Variants in IMPG2 observed in about 807,000 individuals in gnomAD.
IMPG2 encodes interphotoreceptor matrix proteoglycan 2.
Under a neutral mutation model 129.2 loss-of-function variants are expected in IMPG2, and 91 were observed. That is an observed-to-expected ratio of 0.70 (90% CI 0.59 to 0.84). The LOEUF (loss-of-function observed/expected upper bound fraction) is 0.84, where lower values mean the gene tolerates loss of function less well. IMPG2 is among the 40% of genes least tolerant of loss of function. The probability of loss-of-function intolerance (pLI) is 0.00; values close to 1 mark genes in which losing one functional copy is unlikely to be tolerated. For missense variants in IMPG2, 1,430 were observed against 1,461.7 expected (o/e 0.98, Z 0.35); for synonymous variants, 510 against 517.7 (o/e 0.99, Z 0.20).
chr3:101,297,203 C>T (rs1471116765), intron 3 of IMPG2, among the ~76,000 whole-genome samples: 4 of 152,184 alleles, frequency 2.6e-5, no homozygotes, highest in East Asian at 1.9e-4. Context: ...CCACCACGCC[C>T]GGCCGGCAGT....
chr3:101,313,192 A>T (rs1248021612), intron 2 of IMPG2, among the ~76,000 whole-genome samples: 2 of 152,142 alleles, frequency 1.3e-5, no homozygotes, highest in Non-Finnish European at 2.9e-5. Flanking sequence ...GAGCTATCTG[A>T]CAAGAAGGTT....
At chr3:101,257,016 A>G (rs1429806302) in intron 10 of IMPG2, among the ~76,000 whole-genome samples, 1 of 152,078 alleles carries the variant, frequency 6.6e-6, no homozygotes, top group Non-Finnish European at 1.5e-5. Context: ...TATGGATCAT[A>G]ACAGGATCTC....
chr3:101,234,029 A>G (rs1011811163), intron 14 of IMPG2, among the ~76,000 whole-genome samples: 2 of 151,714 alleles, frequency 1.3e-5, no homozygotes, highest in Non-Finnish European at 2.9e-5. Flanking sequence ...ACTGAAGTTG[A>G]TCTCCTTTGG....
chr3:101,277,659 G>C (rs1284961550), intron 4 of IMPG2, among the ~76,000 whole-genome samples: 2 of 152,128 alleles, frequency 1.3e-5, no homozygotes, highest in Non-Finnish European at 2.9e-5. Flanking sequence ...AGGTCTCCTG[G>C]CTGTTGTTTT....
chr3:101,302,689 A>T (rs1274189848), intron 3 of IMPG2, among the ~76,000 whole-genome samples: 1 of 152,234 alleles, frequency 6.6e-6, no homozygotes, highest in African/African-American at 2.4e-5. Flanking sequence ...ATGACATGGT[A>T]CATGGTAGAT....
chr3:101,246,911 A>G (rs553987007), intron 11 of IMPG2, among the ~76,000 whole-genome samples: 3 of 152,096 alleles, frequency 2.0e-5, no homozygotes, highest in Non-Finnish European at 4.4e-5. Flanking sequence ...CAGACTGGGC[A>G]ATATAGCAAG....
At chr3:101,304,346 C>T (rs947249294) in intron 2 of IMPG2, 34 bp from the exon 3 acceptor site, 7 of 1,588,262 alleles carry the variant, frequency 4.4e-6, no homozygotes, top group Non-Finnish European at 6.1e-6. Context: ...TTACAAAAAG[C>T]TAACATGCTC....
At chr3:101,257,811 A>G (rs773230257) in intron 9 of IMPG2, 38 bp from the exon 10 acceptor site, 5 of 1,610,802 alleles carry the variant, frequency 3.1e-6, no homozygotes, top group Non-Finnish European at 3.4e-6. Context: ...GGTTCAGCTA[A>G]GGAAGCACAA....
At chr3:101,241,393 T>A (rs1706404767) in intron 14 of IMPG2, among the ~76,000 whole-genome samples, 2 of 152,216 alleles carry the variant, frequency 1.3e-5, no homozygotes, top group Admixed American at 6.5e-5. Flanking sequence ...AAGAAGGTTT[T>A]GTATCTGAGT....
chr3:101,276,678 G>T lies in IMPG2; in HGVS notation c.569C>A (p.Thr190Asn). ...CAAAAGTATACCTCCCAATGTTGAAGTATCACCAACAGGAACTGGAGAAGA... is the reference window on the plus strand; with the variant it reads ...CAAAAGTATACCTCCCAATGTTGAATTATCACCAACAGGAACTGGAGAAGA... ...ELSSPVPVGD[T>N]STLGDTTLSV... Residue 190 changes from threonine (T) to asparagine (N), a missense_variant, in exon 5 of 19, where the codon ACT (threonine) becomes AAT (asparagine). Physicochemically the swap from Thr to Asn is moderately conservative, Grantham distance 65 (BLOSUM62 0). Coordinates refer to ENST00000193391, the MANE Select transcript of IMPG2 (RefSeq NM_016247.4). The T allele has an allele frequency of 6.2e-7, 1 of 1,608,616 alleles. No homozygotes were observed.
At chr3:101,254,535 G>C (rs1706578520) in intron 10 of IMPG2, among the ~76,000 whole-genome samples, 1 of 152,090 alleles carries the variant, frequency 6.6e-6, no homozygotes. Flanking sequence ...GGATTGCCAG[G>C]AGAGTGATCT....
In IMPG2 at chr3:101,224,753, C is replaced by T. The variant is rs1706203673; in HGVS notation, c.*2216G>A. The T allele has an allele frequency of 6.6e-6, 1 of 152,236 alleles. No homozygotes were observed. Among genetic ancestry groups the T allele is most frequent in the Admixed American group, 6.5e-5 (1 of 15,274 alleles). 9.4% of individuals were successfully genotyped at this position (152,236 alleles called of 1,614,324 possible). A position where few individuals can be genotyped will look rare whatever the true frequency, so the allele number is the denominator to read the frequency against. ...CTCAACTGAGGCCTCCTGTTCTTTC[C>T]CTGATAGTTGAGGGGCTCCTTTACT... On this transcript the variant is annotated 3_prime_UTR_variant, in exon 19 of 19. Coordinates refer to ENST00000193391, the MANE Select transcript of IMPG2 (RefSeq NM_016247.4).
intron 2 of IMPG2, among the ~76,000 whole-genome samples, chr3:101,311,336 TA>T (rs1396320432): frequency 1.3e-5 from 2 of 152,100 alleles, no homozygotes; most frequent in Non-Finnish European, 2.9e-5. Flanking sequence ...GAATCCACTT[TA>T]AAACTATTTG....
chr3:101,310,992 T>C (rs2107142482), intron 2 of IMPG2, among the ~76,000 whole-genome samples: 1 of 152,294 alleles, frequency 6.6e-6, no homozygotes, highest in South Asian at 2.1e-4. Flanking sequence ...TTATACCTTG[T>C]AGTCTATTCA....
intron 3 of IMPG2, among the ~76,000 whole-genome samples, chr3:101,295,385 T>C (rs565863077): frequency 1.3e-5 from 2 of 152,320 alleles, no homozygotes; most frequent in Non-Finnish European, 2.9e-5. Flanking sequence ...ATCAGATGGT[T>C]GTAGATGTGT....
At position 101,223,759 on chromosome 3, in the gene IMPG2, A is replaced by T. The variant is rs1186595703; in HGVS notation, c.*3210T>A. ...GAATAAAAAAGAGAAAGTGGGGAGG[A>T]GCCAACCCATGGTGACAGATAATGC... On this transcript the variant is annotated 3_prime_UTR_variant, in exon 19 of 19. Transcript: ENST00000193391. 1 of 152,260 alleles carries T rather than the reference A, an allele frequency of 6.6e-6. No individual in the cohort carries two copies. Among genetic ancestry groups the T allele is most frequent in the East Asian group, 1.9e-4 (1 of 5,202 alleles). 9.4% of individuals were successfully genotyped at this position (152,260 alleles called of 1,614,324 possible). A position where few individuals can be genotyped will look rare whatever the true frequency, so the allele number is the denominator to read the frequency against.
At chr3:101,247,084 A>C (rs1706487462) in intron 11 of IMPG2, among the ~76,000 whole-genome samples, 1 of 150,204 alleles carries the variant, frequency 6.7e-6, no homozygotes, top group African/African-American at 2.5e-5. Context: ...CTATAGAGCA[A>C]GACATTGTCT....
In IMPG2 at chr3:101,226,861, A is replaced by T. The variant is rs928765343; in HGVS notation, c.*108T>A. 1 of 1,206,582 alleles carries T rather than the reference A, an allele frequency of 8.3e-7. No individual in the cohort carries two copies. The highest frequency in any genetic ancestry group is 1.2e-6 in the Non-Finnish European group (1 of 829,316). 74.7% of individuals were successfully genotyped at this position (1,206,582 alleles called of 1,614,324 possible). ...CCCTATATTTAATTTTTTCATAGAA[A>T]ACTCTTCTTCCAACAGTGTTTAAAA... On this transcript the variant is annotated 3_prime_UTR_variant, in exon 19 of 19. Coordinates refer to ENST00000193391, the MANE Select transcript of IMPG2 (RefSeq NM_016247.4).
At chr3:101,270,988 G>A (rs1706777349) in intron 7 of IMPG2, among the ~76,000 whole-genome samples, 1 of 152,134 alleles carries the variant, frequency 6.6e-6, no homozygotes, top group Non-Finnish European at 1.5e-5. Flanking sequence ...CTCATATGAG[G>A]AGAGTGGGAT....
Sources: gnomAD v4.1 joint callset for allele counts (sites outside exome capture counted in the v4.1 genomes callset) on GRCh38, gnomAD v4.1.1 for gene constraint, MANE v1.5 for transcripts, NCBI Gene and HGNC (gene_info 2026-07-23, HGNC 2026-07-21) for gene names.